The following ABCB11 variants were observed in gnomAD, a reference collection of about 807,000 sequenced individuals.
The protein encoded by ABCB11 is bile salt export pump.
In ABCB11, 95 loss-of-function variants were observed where a neutral mutation model predicts 148.0. The observed-to-expected ratio is 0.64, with a 90% CI of 0.54 to 0.76. The LOEUF (loss-of-function observed/expected upper bound fraction) is 0.76. Ranked by LOEUF, ABCB11 falls within the 30% of genes least tolerant of loss-of-function variation. The probability of loss-of-function intolerance (pLI) is 0.00; values close to 1 mark genes in which losing one functional copy is unlikely to be tolerated. For synonymous variants in ABCB11, 591 were observed against 555.4 expected, an observed-to-expected ratio of 1.06 and a Z score of -0.90; for missense variants, 1,523 against 1,617.8, an observed-to-expected ratio of 0.94 and a Z score of 1.01.
intron 5 of ABCB11, among the ~76,000 whole-genome samples, chr2:169,000,121 A>G (rs1457588971): frequency 6.6e-6 from 1 of 151,930 alleles, no homozygotes; most frequent in Non-Finnish European, 1.5e-5. Context: ...GTCCTTACTC[A>G]TGTCTTTTTC....
intron 18 of ABCB11, among the ~76,000 whole-genome samples, chr2:168,959,934 CAAAAAAAAAAAA>C (rs375450217): frequency 1.1e-5 from 1 of 87,202 alleles, no homozygotes; most frequent in African/African-American, 4.7e-5. Flanking sequence ...ACTGCATCTC[CAAAAAAAAAAAA>C]AAAAAAAAAA....
In ABCB11 at chr2:168,967,747, T is replaced by C. The variant is rs1437209704; in HGVS notation, c.2075+680A>G. On this transcript the variant is annotated intron_variant, in intron 17 of 27. Coordinates refer to ENST00000650372, the MANE Select transcript of ABCB11 (RefSeq NM_003742.4). ...TATAGACAAACACTCCTGGGCAGAA[T>C]TCTTCTTAATACAGACTTGTAACAT... Among the ~76,000 whole-genome samples, 8 of 151,932 alleles carry C rather than the reference T, an allele frequency of 5.3e-5. No individual in the cohort carries two copies. In the East Asian group the frequency reaches 1.4e-3, roughly 26 times the overall value.
Position 168,970,140 on chromosome 2 carries a change from C to T in ABCB11, c.1714G>A (p.Ala572Thr), listed in dbSNP as rs770349223. The change falls in exon 15 of 28, where the codon GCC (alanine) becomes ACC (threonine). Residue 572 changes from alanine (A) to threonine (T), a missense_variant. Coordinates refer to ENST00000650372, the MANE Select transcript of ABCB11 (RefSeq NM_003742.4). ...AGAATCTTGGGATTTCGGATGAGGG[C>T]TCTGGCGATAGCTACCCTTTGTTTC... is the stretch of plus-strand genomic sequence containing the variant. ...GQKQRVAIARALIRNPKILLL... is the reference protein window; with the variant it reads ...GQKQRVAIARTLIRNPKILLL... 2 of 1,612,860 alleles carry T rather than the reference C, an allele frequency of 1.2e-6. No homozygotes were observed. The highest frequency in any genetic ancestry group is 1.3e-5 in the African/African-American group (1 of 74,840).
At position 168,921,863 on chromosome 2, in the gene ABCB11, C is replaced by CTTTTTTTTTTTTTT. The variant is rs58414999; in HGVS notation, c.*1745_*1758dup. Among the ~76,000 whole-genome samples, 1 of 123,902 alleles carries CTTTTTTTTTTTTTT rather than the reference C, an allele frequency of 8.1e-6. No homozygotes were observed. Among genetic ancestry groups the CTTTTTTTTTTTTTT allele is most frequent in the African/African-American group, 3.2e-5 (1 of 31,342 alleles). The allele number at this position is 123,902 out of a possible 152,430, so 81.3% of individuals were successfully genotyped here. A position where few individuals can be genotyped will look rare whatever the true frequency, so the allele number is the denominator to read the frequency against. On this transcript the variant is annotated 3_prime_UTR_variant, in exon 28 of 28. Coordinates refer to ENST00000650372, the MANE Select transcript of ABCB11 (RefSeq NM_003742.4). ...CTTGACCTCTTTTCTTTTTCTTTTT[C>CTTTTTTTTTTTTTT]TTTTTTTTTTTTTTTCGCTCTGTCG...
chr2:168,947,359 T>TC (rs35460880), intron 19 of ABCB11, among the ~76,000 whole-genome samples: 6 of 150,960 alleles, frequency 4.0e-5, no homozygotes, highest in South Asian at 2.1e-4. Context: ...TTTTTTTTTT[T>TC]CCCCAGCATG....
intron 5 of ABCB11, among the ~76,000 whole-genome samples, chr2:169,010,369 A>T (rs1695144262): frequency 6.6e-6 from 1 of 152,102 alleles, no homozygotes; most frequent in Non-Finnish European, 1.5e-5. Context: ...GAGACCTGAC[A>T]CTCTGTAATC....
At chr2:168,971,478 G>A (rs954276267) in intron 14 of ABCB11, among the ~76,000 whole-genome samples, 3 of 151,966 alleles carry the variant, frequency 2.0e-5, no homozygotes, top group Admixed American at 6.6e-5. Context: ...TGAGATTATT[G>A]TGCAAGTTAT....
At chr2:168,950,281 G>A (rs923981730) in intron 19 of ABCB11, among the ~76,000 whole-genome samples, 1 of 151,182 alleles carries the variant, frequency 6.6e-6, no homozygotes, top group Admixed American at 6.6e-5. Context: ...TCTAGAGAAC[G>A]CTGTCCCTAA....
Position 168,922,166 on chromosome 2 carries a change from T to C in ABCB11, c.*1456A>G, listed in dbSNP as rs1343810811. On this transcript the variant is annotated 3_prime_UTR_variant, in exon 28 of 28. Coordinates refer to ENST00000650372, the MANE Select transcript of ABCB11 (RefSeq NM_003742.4). ...GCCTGGCCCGACCTCTTTTCTAAGA[T>C]TGGCCAATTTCCCCAGAAAATCATT... Among the ~76,000 whole-genome samples the C allele has an allele frequency of 1.3e-5, 2 of 152,128 alleles. No individual in the cohort carries two copies. Among genetic ancestry groups the C allele is most frequent in the Non-Finnish European group, 2.9e-5 (2 of 68,008 alleles).
At chr2:168,933,777 C>T (rs1691692922) in intron 23 of ABCB11, among the ~76,000 whole-genome samples, 1 of 151,946 alleles carries the variant, frequency 6.6e-6, no homozygotes, top group African/African-American at 2.4e-5. Flanking sequence ...TGGAGTCTCA[C>T]TCTGTCACCC....
rs72623179 is a variant in ABCB11, at chr2:168,988,516, T to A, written c.909-2232A>T. Among the ~76,000 whole-genome samples, 2,299 of 152,286 alleles carry A rather than the reference T, an allele frequency of 0.015. 253 individuals carry two copies. In the East Asian group the frequency reaches 0.3, roughly 20 times the overall value. ...CACATTTTCTTCATTCACTTGTCTG[T>A]TAATGGGTGCTTAGGTTGATTCCAT... On this transcript the variant is annotated intron_variant, in intron 9 of 27. Transcript: ENST00000650372.
At chr2:168,926,678 G>A (rs919739168) in intron 26 of ABCB11, among the ~76,000 whole-genome samples, 3 of 152,102 alleles carry the variant, frequency 2.0e-5, no homozygotes, top group Non-Finnish European at 2.9e-5. Context: ...GACAGTCCAG[G>A]GGCACTGTGA....
chr2:168,964,785 GATTTTCTCC>G (rs1199744519), intron 17 of ABCB11, among the ~76,000 whole-genome samples: 1 of 151,812 alleles, frequency 6.6e-6, no homozygotes, highest in African/African-American at 2.4e-5. Context: ...CCTCTGATGA[GATTTTCTCC>G]AGGCTATATA....
At chr2:168,973,637 A>G (rs889364286) in intron 13 of ABCB11, 78 bp downstream of exon 13, 3 of 1,538,270 alleles carry the variant, frequency 2.0e-6, no homozygotes, top group African/African-American at 2.7e-5. Flanking sequence ...TGTATGCTAC[A>G]CCTTTCTGTT....
chr2:168,927,021 T>C (rs1691343151), intron 26 of ABCB11, 135 bp downstream of exon 26: 1 of 794,966 alleles, frequency 1.3e-6, no homozygotes, highest in Non-Finnish European at 2.0e-6. Context: ...CATGTTGGCA[T>C]TCAAAAATTT....
downstream of ABCB11, among the ~76,000 whole-genome samples, chr2:168,918,928 C>T (rs1690998465): frequency 6.6e-6 from 1 of 151,944 alleles, no homozygotes; most frequent in Admixed American, 6.6e-5. Flanking sequence ...TCATCTTAAA[C>T]TTTATTTTTT....
chr2:168,971,495 A>G (rs971157177), intron 14 of ABCB11, among the ~76,000 whole-genome samples: 2 of 152,072 alleles, frequency 1.3e-5, no homozygotes, highest in Non-Finnish European at 2.9e-5. Context: ...TTATTGCCAC[A>G]TGACATTTAG....
At chr2:168,933,275 G>T (rs1173844995) in intron 23 of ABCB11, among the ~76,000 whole-genome samples, 1 of 152,120 alleles carries the variant, frequency 6.6e-6, no homozygotes, top group African/African-American at 2.4e-5. Flanking sequence ...AATGATTGAT[G>T]ATATAAGCAT....
At chr2:169,004,612 C>T (rs540737096) in intron 5 of ABCB11, among the ~76,000 whole-genome samples, 1 of 152,098 alleles carries the variant, frequency 6.6e-6, no homozygotes, top group East Asian at 1.9e-4. Context: ...TGGACTTAAC[C>T]TTTCTCTGGT....
Sources: allele counts gnomAD v4.1 joint callset (sites outside exome capture counted in the v4.1 genomes callset), GRCh38; gene constraint gnomAD v4.1.1; transcripts MANE v1.5; gene names NCBI Gene and HGNC (gene_info 2026-07-23, HGNC 2026-07-21).